MED12L: variants seen among roughly 807,000 people sequenced by gnomAD.
MED12L encodes the protein mediator of RNA polymerase II transcription subunit 12-like protein.
A neutral mutation model predicts 281.3 loss-of-function variants in MED12L; 60 were observed. The ratio of observed to expected loss-of-function variants is 0.21; its 90% CI spans 0.17 to 0.26. The LOEUF is 0.26. Ranked by LOEUF, MED12L falls within the 10% of genes least tolerant of loss-of-function variation. MED12L has a pLI of 1.00. For synonymous variants in MED12L, 974 were observed against 987.2 expected (o/e 0.99, Z 0.25); for missense variants, 2,146 against 2,680.9 (o/e 0.80, Z 4.41).
intron 16 of MED12L, chr3:151,213,837 G>T: frequency 6.2e-7 from 1 of 1,614,038 alleles, no homozygotes; most frequent in Middle Eastern, 1.6e-4. Flanking sequence ...CACTCTGGTT[G>T]GTGAGAATAA....
At chr3:151,116,915 T>G (rs1239527132) in intron 3 of MED12L, among the ~76,000 whole-genome samples, 1 of 152,208 alleles carries the variant, frequency 6.6e-6, no homozygotes, top group Non-Finnish European at 1.5e-5. Context: ...ACCATCTCCC[T>G]GCATTGGAAA....
chr3:151,223,097 C>T (rs1382817529), intron 16 of MED12L, among the ~76,000 whole-genome samples: 2 of 149,180 alleles, frequency 1.3e-5, no homozygotes, highest in Admixed American at 1.3e-4. Flanking sequence ...TCTCAGTGGC[C>T]TAGGGCAGTA....
At chr3:151,419,559 C>T (rs917897442) in intron 43 of MED12L, among the ~76,000 whole-genome samples, 8 of 152,076 alleles carry the variant, frequency 5.3e-5, no homozygotes, top group African/African-American at 1.7e-4. Context: ...GCAACACCCT[C>T]ACAGACACAC....
chr3:151,416,948 C>G (rs1053455762), intron 43 of MED12L, among the ~76,000 whole-genome samples: 2 of 152,142 alleles, frequency 1.3e-5, no homozygotes, highest in East Asian at 3.8e-4. Flanking sequence ...ATATGCATAG[C>G]CATCAAAGTT....
chr3:151,405,302 A>G (rs1305467471), intron 39 of MED12L, among the ~76,000 whole-genome samples: 1 of 152,230 alleles, frequency 6.6e-6, no homozygotes, highest in Non-Finnish European at 1.5e-5. Context: ...CAATGTAGAG[A>G]TGGGCTTATA....
In MED12L at chr3:151,159,993, C is replaced by T; in HGVS notation, c.999C>T (p.Ser333=). 1.2e-6 allele frequency: 2 copies of T among 1,614,202 alleles called. No individual in the cohort carries two copies. Among genetic ancestry groups the T allele is most frequent in the Non-Finnish European group, 1.7e-6 (2 of 1,180,028 alleles). Residue 333 remains serine, a synonymous_variant, in exon 8 of 45, where the codon AGC becomes AGT. Transcript: ENST00000687756. ...ACAACTCGAGTATCGGGGCCCCCAG[C>T]CCTGGCCCCCCCGGCCCTGGCATGA... ...GPNNSSIGAP[S]PGPPGPGMSP...
chr3:151,289,372 G>A (rs547372622), intron 16 of MED12L, among the ~76,000 whole-genome samples: 14 of 152,274 alleles, frequency 9.2e-5, no homozygotes, highest in Non-Finnish European at 1.6e-4. Context: ...ATTCTATAAG[G>A]CATAGAAAAA....
At chr3:151,431,826 ATTTAC>A (rs1018181242) in intron 44 of MED12L, among the ~76,000 whole-genome samples, 1 of 152,036 alleles carries the variant, frequency 6.6e-6, no homozygotes, top group Non-Finnish European at 1.5e-5. Context: ...CCATGTATTG[ATTTAC>A]TTTATTTTTA....
intron 7 of MED12L, among the ~76,000 whole-genome samples, chr3:151,159,010 T>C (rs1719652013): frequency 6.6e-6 from 1 of 152,272 alleles, no homozygotes; most frequent in Admixed American, 6.5e-5. Flanking sequence ...TTTTTATCCA[T>C]GTGTCCTAAT....
intron 16 of MED12L, among the ~76,000 whole-genome samples, chr3:151,348,573 CTTTT>C (rs542135245): frequency 7.6e-6 from 1 of 132,386 alleles, no homozygotes; most frequent in Admixed American, 7.6e-5. Context: ...CTCCTAGCTT[CTTTT>C]TTTTTTTTTT....
At chr3:151,287,842 A>G (rs1434016458) in intron 16 of MED12L, among the ~76,000 whole-genome samples, 1 of 152,208 alleles carries the variant, frequency 6.6e-6, no homozygotes, top group African/African-American at 2.4e-5. Context: ...TTATCTTTCA[A>G]ATAGCATTTG....
intron 16 of MED12L, among the ~76,000 whole-genome samples, chr3:151,331,208 C>T (rs1433453005): frequency 1.3e-5 from 2 of 152,102 alleles, no homozygotes; most frequent in African/African-American, 4.8e-5. Context: ...ATAGATCATT[C>T]ATTTCTATGT....
At chr3:151,392,854 A>G (rs901881136) in intron 38 of MED12L, among the ~76,000 whole-genome samples, 78 of 152,220 alleles carry the variant, frequency 5.1e-4, no homozygotes, top group Non-Finnish European at 6.0e-4. Context: ...TCTCAGAGGT[A>G]CAAGATCATA....
intron 11 of MED12L, among the ~76,000 whole-genome samples, chr3:151,182,315 A>G (rs752472111): frequency 2.6e-5 from 4 of 151,290 alleles, no homozygotes; most frequent in Non-Finnish European, 5.9e-5. Context: ...TTTGTCATTC[A>G]TAGGATTTCT....
intron 43 of MED12L, among the ~76,000 whole-genome samples, chr3:151,417,231 C>A: frequency 6.6e-6 from 1 of 152,188 alleles, no homozygotes; most frequent in Non-Finnish European, 1.5e-5. Flanking sequence ...TCATGTCTCA[C>A]ACTTTGAGAA....
intron 2 of MED12L, among the ~76,000 whole-genome samples, chr3:151,096,664 G>GA (rs1720761809): frequency 6.6e-6 from 1 of 152,144 alleles, no homozygotes; most frequent in African/African-American, 2.4e-5. Flanking sequence ...TTTGGGGGGG[G>GA]AAGCCATGCA....
intron 30 of MED12L, among the ~76,000 whole-genome samples, chr3:151,377,559 G>A (rs13322120): frequency 0.12 from 17,640 of 152,128 alleles, 1,318 homozygotes; most frequent in Middle Eastern, 0.18. Flanking sequence ...GGCATATAAA[G>A]TCTTAAAGTA....
Position 151,193,643 on chromosome 3 carries a change from G to A in MED12L, c.2227G>A (p.Ala743Thr). ...TGACCTCCTTCGCCACTTACAGTAT[G>A]CAACACATTTTCCTATACCTCTGGT... The part of the protein sequence containing the change: ...NYDLLRHLQY[A>T]THFPIPLDES... Residue 743 changes from alanine to threonine, a missense_variant, in exon 16 of 45, where the codon GCA (alanine) becomes ACA (threonine). Ala to Thr is a moderately conservative substitution (Grantham distance 58). Around this residue, in one of 9 missense-constraint regions of MED12L, gnomAD observed 404 missense variants for 603.5 expected, o/e 0.67. Transcript: ENST00000687756. 7 of 1,613,904 alleles carry A rather than the reference G, an allele frequency of 4.3e-6. No homozygotes were observed. The highest frequency in any genetic ancestry group is 1.7e-5 in the Admixed American group (1 of 60,030).
chr3:151,159,101 A>G (rs530315076), intron 7 of MED12L, among the ~76,000 whole-genome samples: 49 of 148,342 alleles, frequency 3.3e-4, no homozygotes, highest in African/African-American at 1.2e-3. Context: ...TCCATATAAT[A>G]ACACAAATCT....
Sources: allele counts gnomAD v4.1 joint callset (sites outside exome capture counted in the v4.1 genomes callset), GRCh38; gene constraint gnomAD v4.1.1; regional missense constraint gnomAD v4.1.1; transcripts MANE v1.5; gene names NCBI Gene and HGNC (gene_info 2026-07-23, HGNC 2026-07-21).